BRWD3: variants seen among roughly 807,000 people sequenced by gnomAD.
BRWD3 encodes bromodomain and WD repeat-containing protein 3.
BRWD3 carries 10 observed loss-of-function variants against 149.7 expected under a neutral mutation model. That is an observed-to-expected ratio of 0.07 (90% CI 0.04 to 0.11). The LOEUF (loss-of-function observed/expected upper bound fraction) is 0.11, where lower values mean the gene tolerates loss of function less well. Among genes scored for constraint, BRWD3 ranks in the 10% least tolerant of loss-of-function variants. The probability of loss-of-function intolerance (pLI) is 1.00; values close to 1 mark genes in which losing one functional copy is unlikely to be tolerated. For synonymous variants in BRWD3, 504 were observed against 456.7 expected (o/e 1.10, Z -1.32); for missense variants, 940 against 1,373.2 (o/e 0.68, Z 4.99).
In BRWD3 at chrX:80,755,913, G is replaced by C. The variant is rs151191983; in HGVS notation, c.431-10184C>G. The stretch of plus-strand genomic sequence containing the variant: ...ATTTATGCACAAATGTATGGATAAG[G>C]ACCATAAAGAAACAAGAGAAATGAA... On this transcript the variant is annotated intron_variant, in intron 6 of 40. Transcript: ENST00000373275. Among the ~76,000 whole-genome samples the C allele has an allele frequency of 4.9e-4, 55 of 111,768 alleles. No individual in the cohort carries two copies. In the East Asian group the frequency reaches 0.013, roughly 27 times the overall value.
At chrX:80,741,943 T>G (rs2073517099) in intron 8 of BRWD3, among the ~76,000 whole-genome samples, 1 of 111,935 alleles carries the variant, frequency 8.9e-6, no homozygotes, top group Admixed American at 9.5e-5. Flanking sequence ...TTCTGGCTTT[T>G]GTTGCCATTG....
intron 20 of BRWD3, among the ~76,000 whole-genome samples, chrX:80,713,577 T>C (rs1482243857): frequency 9.1e-6 from 1 of 109,904 alleles, no homozygotes; most frequent in Non-Finnish European, 1.9e-5. Flanking sequence ...GTCCTCTGCC[T>C]AGGAAAACCA....
In BRWD3 at chrX:80,677,289, T is replaced by C. The variant is rs891397261; in HGVS notation, c.4729A>G (p.Ser1577Gly). ...PRTGIKRKLLSASEEDENMGG... is the reference protein window; with the variant it reads ...PRTGIKRKLLGASEEDENMGG... ...ATGTTTTCATCTTCTTCTGATGCAC[T>C]AAGTAGTTTTCTCTTGATTCCTGTC... is the stretch of plus-strand genomic sequence containing the variant. The change falls in exon 41 of 41, where the codon AGT becomes GGT. Residue 1577 changes from serine (S) to glycine (G), a missense_variant. Physicochemically the swap from Ser to Gly is moderately conservative, Grantham distance 56. Around this residue, in one of 6 missense-constraint regions of BRWD3, gnomAD observed 349 missense variants for 419.6 expected, o/e 0.83. Transcript: ENST00000373275. 2 of 1,209,968 alleles carry C rather than the reference T, an allele frequency of 1.7e-6. No homozygotes were observed. Among genetic ancestry groups the C allele is most frequent in the South Asian group, 1.8e-5 (1 of 56,580 alleles).
intron 34 of BRWD3, 37 bp from the exon 35 acceptor site, chrX:80,687,040 T>C: frequency 1.7e-6 from 2 of 1,183,606 alleles, no homozygotes; most frequent in Non-Finnish European, 2.3e-6. Flanking sequence ...AAAAGATCTT[T>C]CCTTAACTCA....
At chrX:80,795,522 CATATAT>C (rs759166424) in intron 4 of BRWD3, among the ~76,000 whole-genome samples, 1 of 108,564 alleles carries the variant, frequency 9.2e-6, no homozygotes, top group Non-Finnish European at 1.9e-5. Flanking sequence ...TATACATATA[CATATAT>C]GTGTGTATAT....
At chrX:80,729,846 T>C in intron 13 of BRWD3, 70 bp downstream of exon 13, 1 of 727,269 alleles carries the variant, frequency 1.4e-6, no homozygotes, top group East Asian at 3.4e-5. Context: ...AAAGATATTT[T>C]ATATTCACTA....
intron 5 of BRWD3, 49 bp from the exon 6 acceptor site, chrX:80,792,001 T>TA (rs1438147631): frequency 5.0e-6 from 4 of 795,515 alleles, no homozygotes; most frequent in Non-Finnish European, 7.4e-6. Flanking sequence ...GTTTTTTTTT[T>TA]AACCATGTCT....
intron 4 of BRWD3, among the ~76,000 whole-genome samples, chrX:80,798,257 C>G (rs754214349): frequency 2.7e-5 from 3 of 111,388 alleles, no homozygotes; most frequent in South Asian, 7.4e-4. Context: ...CGATGTAGTT[C>G]TTAAAATGTT....
Position 80,809,516 on chromosome X carries a change from C to T in BRWD3, c.-45G>A, listed in dbSNP as rs1173552704. 1.4e-5 allele frequency: 4 copies of T among 277,698 alleles called. No homozygotes were observed. Among genetic ancestry groups the T allele is most frequent in the Middle Eastern group, 1.3e-3 (1 of 793 alleles). 22.9% of individuals were successfully genotyped at this position (277,698 alleles called of 1,213,427 possible). A position where few individuals can be genotyped will look rare whatever the true frequency, so the allele number is the denominator to read the frequency against. On this transcript the variant is annotated 5_prime_UTR_variant, in exon 1 of 41. Coordinates refer to ENST00000373275, the MANE Select transcript of BRWD3 (RefSeq NM_153252.5). ...GGGGGCTTCGCTCCGGAGGGGCTGG[C>T]GGGGGCGGGTGGGGGCGCTGCCTCT...
chrX:80,709,658 T>TG, intron 20 of BRWD3, 81 bp from the exon 21 acceptor site: 1 of 905,685 alleles, frequency 1.1e-6, no homozygotes, highest in East Asian at 3.4e-5. Flanking sequence ...GCAAATTAGG[T>TG]GGGGGGTAGG....
At position 80,682,695 on chromosome X, in the gene BRWD3, A is replaced by G. The variant is rs1602300277; in HGVS notation, c.4234-67T>C. On this transcript the variant is annotated intron_variant, in intron 37 of 40. Transcript: ENST00000373275. ...TTTAAAAAAAGGTATAAACATGCCT[A>G]GACCAATATTAAGCATCATCATTAC... is the stretch of plus-strand genomic sequence containing the variant. The G allele has an allele frequency of 2.9e-6, 3 of 1,026,839 alleles. No individual in the cohort carries two copies. The East Asian group carries it at 9.5e-5, about 32-fold the overall frequency. The allele number at this position is 1,026,839 out of a possible 1,213,427, so 84.6% of individuals were successfully genotyped here. A position where few individuals can be genotyped will look rare whatever the true frequency, so the allele number is the denominator to read the frequency against.
chrX:80,808,891 A>G, intron 3 of BRWD3, 122 bp downstream of exon 3: 1 of 796,631 alleles, frequency 1.3e-6, no homozygotes, highest in Middle Eastern at 4.2e-4. Flanking sequence ...CACCCCGGTG[A>G]CAACAGCTAC....
chrX:80,715,429 A>G (rs1237487801), intron 20 of BRWD3, among the ~76,000 whole-genome samples: 1 of 111,951 alleles, frequency 8.9e-6, no homozygotes, highest in East Asian at 2.8e-4. Context: ...AAATCATCCT[A>G]GACTCTTCAA....
chrX:80,809,397 C>T, intron 1 of BRWD3, 44 bp downstream of exon 1: 2 of 1,112,521 alleles, frequency 1.8e-6, no homozygotes, highest in South Asian at 3.8e-5. Flanking sequence ...GCGCTAAGCC[C>T]CCATTCCCTT....
At chrX:80,717,057 C>T in intron 19 of BRWD3, 1 of 116,014 alleles carries the variant, frequency 8.6e-6, no homozygotes, top group Non-Finnish European at 1.8e-5. Flanking sequence ...TTTCCAGTTG[C>T]TGTGGAGTAT....
chrX:80,804,179 T>C (rs1015958212), intron 4 of BRWD3, among the ~76,000 whole-genome samples: 5 of 111,645 alleles, frequency 4.5e-5, no homozygotes, highest in Non-Finnish European at 7.5e-5. Context: ...GTTTTAGAGA[T>C]GAAAATGCGA....
At chrX:80,746,740 A>C (rs1238646179) in intron 6 of BRWD3, 2 of 348,908 alleles carry the variant, frequency 5.7e-6, no homozygotes, top group African/African-American at 5.7e-5. Flanking sequence ...GGCAAGATTA[A>C]AGCAAGAACT....
intron 6 of BRWD3, among the ~76,000 whole-genome samples, chrX:80,787,702 G>A (rs773396901): frequency 9.0e-5 from 10 of 111,723 alleles, no homozygotes; most frequent in Non-Finnish European, 1.7e-4. Context: ...GTGAGCATGA[G>A]TTAGGCAAAG....
rs768606181 is a variant in BRWD3 at position 80,677,284 on chromosome X, T to C, written c.4734A>G (p.Ala1578=). ...RTGIKRKLLS[A]SEEDENMGGE... ...CTCCCATGTTTTCATCTTCTTCTGA[T>C]GCACTAAGTAGTTTTCTCTTGATTC... is the stretch of plus-strand genomic sequence containing the variant. Residue 1578 remains alanine (A), a synonymous_variant, in exon 41 of 41, where the codon GCA becomes GCG. Transcript: ENST00000373275. 12 of 1,210,515 alleles carry C rather than the reference T, an allele frequency of 9.9e-6. No homozygotes were observed. The highest frequency in any genetic ancestry group is 2.3e-4 in the Middle Eastern group (1 of 4,343).
Sources: gnomAD v4.1 joint callset for allele counts (sites outside exome capture counted in the v4.1 genomes callset) on GRCh38, gnomAD v4.1.1 for gene constraint, gnomAD v4.1.1 regional missense constraint, MANE v1.5 for transcripts, NCBI Gene and HGNC (gene_info 2026-07-23, HGNC 2026-07-21) for gene names.